The following VPS54 variants were observed in gnomAD, a reference collection of about 807,000 sequenced individuals.
VPS54 encodes the protein VPS54 subunit of GARP complex.
Under a neutral mutation model 121.5 loss-of-function variants are expected in VPS54, and 45 were observed. The ratio of observed to expected loss-of-function variants is 0.37; its 90% CI spans 0.29 to 0.47. The LOEUF is 0.47. VPS54 is among the 20% of genes least tolerant of loss of function. VPS54 has a pLI of 0.99. For missense variants in VPS54, 1,090 were observed against 1,131.4 expected (o/e 0.96, Z 0.52); for synonymous variants, 371 against 385.8 (o/e 0.96, Z 0.45).
intron 1 of VPS54, among the ~76,000 whole-genome samples, chr2:64,008,260 A>C (rs1013443553): frequency 1.3e-5 from 2 of 151,986 alleles, no homozygotes; most frequent in African/African-American, 2.4e-5. Flanking sequence ...AAAAAATACG[A>C]AAAATTAGCC....
In VPS54 at chr2:63,933,910, T is replaced by A; in HGVS notation, c.1502A>T (p.Asp501Val). 2.5e-6 allele frequency: 4 copies of A among 1,613,800 alleles called. No homozygotes were observed. Among genetic ancestry groups the A allele is most frequent in the Non-Finnish European group, 3.4e-6 (4 of 1,179,836 alleles). ...EISQQKNAAKDNSLDTEVAYL... is the reference protein window; with the variant it reads ...EISQQKNAAKVNSLDTEVAYL... ...AGCCACCTCTGTGTCCAGTGAATTA[T>A]CTTTTGCAGCATTCTTCTGTTGTGA... The change falls in exon 12 of 23, where the codon GAT becomes GTT. Residue 501 changes from aspartate (D) to valine (V), a missense_variant. By Grantham distance (152) the Asp-to-Val change is radical. Transcript: ENST00000272322.
chr2:63,983,237 T>C (rs1676879987), intron 2 of VPS54, among the ~76,000 whole-genome samples: 1 of 150,804 alleles, frequency 6.6e-6, no homozygotes, highest in Admixed American at 6.6e-5. Context: ...GTTCAAGTGA[T>C]TCTCCTGCCT....
Position 63,899,595 on chromosome 2 carries a change from A to G in VPS54, c.2626-14T>C. 3 of 1,600,208 alleles carry G rather than the reference A, an allele frequency of 1.9e-6. No homozygotes were observed. Among genetic ancestry groups the G allele is most frequent in the South Asian group, 1.1e-5 (1 of 90,720 alleles). ...CTTCACTTCATACTGGTAGGAAAAA[A>G]TAATGAGAATTATGTTCATGTCCTC... On this transcript the variant is annotated splice_polypyrimidine_tract_variant and intron_variant, in intron 20 of 22. Transcript: ENST00000272322.
At chr2:63,952,170 A>T (rs528383477) in intron 7 of VPS54, among the ~76,000 whole-genome samples, 35 of 152,330 alleles carry the variant, frequency 2.3e-4, no homozygotes, top group African/African-American at 8.4e-4. Context: ...CATTAAACTG[A>T]AAGTCATTGA....
chr2:63,942,962 A>T (rs1177869342), intron 10 of VPS54, among the ~76,000 whole-genome samples: 2 of 152,222 alleles, frequency 1.3e-5, no homozygotes, highest in Admixed American at 1.3e-4. Flanking sequence ...CCCTGGAACC[A>T]CAACACAATG....
intron 12 of VPS54, among the ~76,000 whole-genome samples, chr2:63,923,233 G>A (rs1673729647): frequency 6.6e-6 from 1 of 151,802 alleles, no homozygotes; most frequent in East Asian, 1.9e-4. Context: ...GGAGAATGGT[G>A]TGAACCCGGT....
At chr2:63,947,535 A>C (rs917896766) in intron 8 of VPS54, 45 bp from the exon 9 acceptor site, 16 of 1,343,910 alleles carry the variant, frequency 1.2e-5, no homozygotes, top group Non-Finnish European at 1.5e-5. Context: ...AATATGAAGT[A>C]ATTTTACTTA....
In VPS54 at chr2:63,908,728, A is replaced by G. The variant is rs181716578; in HGVS notation, c.2625+3617T>C. Among the ~76,000 whole-genome samples, 134 of 152,334 alleles carry G rather than the reference A, an allele frequency of 8.8e-4. No individual in the cohort carries two copies. In the Middle Eastern group the frequency reaches 0.031, roughly 35 times the overall value. On this transcript the variant is annotated intron_variant, in intron 20 of 22. Transcript: ENST00000272322. Reference sequence around the variant, plus strand: ...AGCATTAGCAGTCAATATTTACTAGAACTTGCTATAGTCAGATACATGATA... The same window carrying G: ...AGCATTAGCAGTCAATATTTACTAGGACTTGCTATAGTCAGATACATGATA...
chr2:63,990,994 C>T (rs1044815732), intron 1 of VPS54, among the ~76,000 whole-genome samples: 12 of 152,170 alleles, frequency 7.9e-5, no homozygotes, highest in Non-Finnish European at 1.0e-4. Context: ...TTTACAATTT[C>T]GTATCTGGTG....
chr2:63,970,210 T>TACACACACAC (rs1301850062), intron 4 of VPS54, among the ~76,000 whole-genome samples: 10 of 101,606 alleles, frequency 9.8e-5, no homozygotes, highest in African/African-American at 4.0e-4. Flanking sequence ...AAAATATATA[T>TACACACACAC]ATACACACAC....
intron 1 of VPS54, among the ~76,000 whole-genome samples, chr2:64,013,267 G>C (rs1173829602): frequency 6.6e-6 from 1 of 152,136 alleles, no homozygotes. Context: ...AGAAATGTCT[G>C]ACTAGAATCT....
chr2:63,905,620 A>C (rs1364240721), intron 20 of VPS54, among the ~76,000 whole-genome samples: 1 of 152,006 alleles, frequency 6.6e-6, no homozygotes, highest in East Asian at 1.9e-4. Flanking sequence ...AATAATACCA[A>C]CTCCCCACAA....
chr2:63,947,415 T>C lies in VPS54; in HGVS notation c.1213A>G (p.Met405Val). The C allele has an allele frequency of 6.4e-7, 1 of 1,557,790 alleles. No homozygotes were observed. Among genetic ancestry groups the C allele is most frequent in the Non-Finnish European group, 8.8e-7 (1 of 1,140,104 alleles). The change falls in exon 9 of 23, where the codon ATG becomes GTG. Residue 405 changes from methionine (M) to valine (V), a missense_variant. This residue lies in a region of VPS54 where 801 missense variants were observed against 757.0 expected (regional missense o/e 1.06). Coordinates refer to ENST00000272322, the MANE Select transcript of VPS54 (RefSeq NM_016516.3). ...LNFLEIYGEKMVITAKNIIKQ... is the reference protein window; with the variant it reads ...LNFLEIYGEKVVITAKNIIKQ... ...ATGATATTCTTTGCTGTAATAACCATTTTTTCACCATAGATTTCTAAAAAA... is the reference window on the plus strand; with the variant it reads ...ATGATATTCTTTGCTGTAATAACCACTTTTTCACCATAGATTTCTAAAAAA...
At chr2:63,950,126 C>A (rs1675170680) in intron 7 of VPS54, among the ~76,000 whole-genome samples, 1 of 152,196 alleles carries the variant, frequency 6.6e-6, no homozygotes, top group South Asian at 2.1e-4. Context: ...CTTGTCACAT[C>A]CACAATCTCT....
chr2:64,010,085 G>A (rs932752998), intron 1 of VPS54, among the ~76,000 whole-genome samples: 12 of 152,052 alleles, frequency 7.9e-5, no homozygotes, highest in Admixed American at 6.5e-4. Context: ...CAGGTGATTC[G>A]CCCACCTCGG....
intron 22 of VPS54, among the ~76,000 whole-genome samples, chr2:63,897,229 G>C (rs1672481558): frequency 6.6e-6 from 1 of 152,090 alleles, no homozygotes; most frequent in African/African-American, 2.4e-5. Context: ...GAAAGCTATT[G>C]GGTAACTAAG....
chr2:63,980,465 T>G (rs540449219), intron 3 of VPS54, among the ~76,000 whole-genome samples: 1 of 152,306 alleles, frequency 6.6e-6, no homozygotes, highest in Non-Finnish European at 1.5e-5. Flanking sequence ...TTTAAGATTA[T>G]CATCTTGAAA....
chr2:63,990,803 C>CA (rs1188712054), intron 1 of VPS54, among the ~76,000 whole-genome samples: 1 of 152,192 alleles, frequency 6.6e-6, no homozygotes, highest in Non-Finnish European at 1.5e-5. Flanking sequence ...CCAAAGGGTA[C>CA]AAATGTGTCG....
intron 1 of VPS54, among the ~76,000 whole-genome samples, chr2:63,999,431 G>A (rs1677764473): frequency 6.6e-6 from 1 of 152,188 alleles, no homozygotes; most frequent in African/African-American, 2.4e-5. Flanking sequence ...CTCTTGGCCT[G>A]TAAGGTTTCT....
Sources: gnomAD v4.1 joint callset for allele counts (sites outside exome capture counted in the v4.1 genomes callset) on GRCh38, gnomAD v4.1.1 for gene constraint, gnomAD v4.1.1 regional missense constraint, MANE v1.5 for transcripts, NCBI Gene and HGNC (gene_info 2026-07-23, HGNC 2026-07-21) for gene names.